The following GHR variants were observed in gnomAD, a reference collection of about 807,000 sequenced individuals.
GHR encodes growth hormone receptor, also known as GH receptor.
A neutral mutation model predicts 67.1 loss-of-function variants in GHR; 35 were observed. The observed-to-expected ratio is 0.52, with a 90% CI of 0.40 to 0.69. The LOEUF (loss-of-function observed/expected upper bound fraction) is 0.69, where lower values mean the gene tolerates loss of function less well. Among genes scored for constraint, GHR ranks in the 30% least tolerant of loss-of-function variants. The probability of loss-of-function intolerance (pLI) is 0.00; values close to 1 mark genes in which losing one functional copy is unlikely to be tolerated. For synonymous variants in GHR, 272 were observed against 269.1 expected (o/e 1.01, Z -0.10); for missense variants, 792 against 764.6 (o/e 1.04, Z -0.42).
intron 2 of GHR, among the ~76,000 whole-genome samples, chr5:42,579,122 GATAGATAGATAGATAGATGATAGATAGAT>G (rs1750964427): frequency 1.6e-4 from 13 of 79,712 alleles, no homozygotes; most frequent in African/African-American, 6.3e-4. Flanking sequence ...TAGATAGATA[GATAGATAGATAGATAGATGATAGATAGAT>G]ATAGATAGAT....
At chr5:42,604,631 C>T (rs1752533160) in intron 2 of GHR, among the ~76,000 whole-genome samples, 1 of 151,838 alleles carries the variant, frequency 6.6e-6, no homozygotes, top group South Asian at 2.1e-4. Context: ...TAAAGCACCC[C>T]AGCATTATAA....
At chr5:42,681,830 G>A (rs1289965790) in intron 3 of GHR, among the ~76,000 whole-genome samples, 1 of 151,562 alleles carries the variant, frequency 6.6e-6, no homozygotes, top group Non-Finnish European at 1.5e-5. Context: ...CAGCTACTCG[G>A]GAGGCTGAGG....
In GHR at chr5:42,719,206, A is replaced by G; in HGVS notation, c.1699A>G (p.Ile567Val). The change falls in exon 10 of 10, where the codon ATC becomes GTC. Residue 567 changes from isoleucine to valine, a missense_variant. Ile to Val is a conservative substitution (Grantham distance 29, BLOSUM62 3). Transcript: ENST00000230882. ...QPSLNQEDIY[I>V]TTESLTTAAG... ...AAGCTTAAACCAAGAGGACATTTAC[A>G]TCACCACAGAAAGCCTTACCACTGC... 1.9e-6 allele frequency: 3 copies of G among 1,614,134 alleles called. No homozygotes were observed. In the East Asian group the frequency reaches 6.7e-5, roughly 36 times the overall value.
chr5:42,440,755 T>A (rs1256793890), intron 1 of GHR, among the ~76,000 whole-genome samples: 2 of 152,182 alleles, frequency 1.3e-5, no homozygotes, highest in Non-Finnish European at 2.9e-5. Flanking sequence ...AGGGTGATGA[T>A]GCTGAAGATT....
At chr5:42,521,801 T>A (rs1747486186) in intron 1 of GHR, among the ~76,000 whole-genome samples, 1 of 152,208 alleles carries the variant, frequency 6.6e-6, no homozygotes, top group Non-Finnish European at 1.5e-5. Flanking sequence ...AATGTATTTA[T>A]CTAAGTTGTT....
At chr5:42,561,100 T>C (rs1387049886) in intron 1 of GHR, among the ~76,000 whole-genome samples, 1 of 152,242 alleles carries the variant, frequency 6.6e-6, no homozygotes, top group Non-Finnish European at 1.5e-5. Context: ...ATACTCAGAA[T>C]TCATACTCAT....
At chr5:42,594,332 T>C (rs1751952055) in intron 2 of GHR, among the ~76,000 whole-genome samples, 1 of 152,202 alleles carries the variant, frequency 6.6e-6, no homozygotes, top group African/African-American at 2.4e-5. Context: ...GATTCTTAGA[T>C]CTAAATAACT....
At chr5:42,575,923 G>T (rs1561135080) in intron 2 of GHR, among the ~76,000 whole-genome samples, 1 of 151,056 alleles carries the variant, frequency 6.6e-6, no homozygotes, top group African/African-American at 2.4e-5. Flanking sequence ...AGTCCCAGCT[G>T]CTCGGGAGGC....
chr5:42,473,956 G>A (rs1235894994), intron 1 of GHR, among the ~76,000 whole-genome samples: 1 of 149,022 alleles, frequency 6.7e-6, no homozygotes, highest in Non-Finnish European at 1.5e-5. Flanking sequence ...GGGAGGCCAA[G>A]GTGAGTGGAT....
intron 5 of GHR, 67 bp from the exon 6 acceptor site, chr5:42,699,754 TGAG>T: frequency 1.0e-6 from 1 of 972,588 alleles, no homozygotes; most frequent in Non-Finnish European, 1.7e-6. Flanking sequence ...TTTGGTCTTC[TGAG>T]AAGAATGCCT....
intron 2 of GHR, chr5:42,619,730 G>A (rs188522790): frequency 6.6e-6 from 1 of 152,250 alleles, no homozygotes; most frequent in East Asian, 1.9e-4. Context: ...GCTTGGAAAC[G>A]AGACACAGAG....
chr5:42,593,913 GA>G (rs11305064), intron 2 of GHR, among the ~76,000 whole-genome samples: 4,121 of 152,250 alleles, frequency 0.027, 145 homozygotes, highest in African/African-American at 0.081. Flanking sequence ...ACCTTAGACT[GA>G]AGGGTCATTT....
In GHR at chr5:42,424,410, GC is replaced by G; in HGVS notation, c.-12+456del. 1 of 607,778 alleles carries G rather than the reference GC, an allele frequency of 1.6e-6. No individual in the cohort carries two copies. Among genetic ancestry groups the G allele is most frequent in the Non-Finnish European group, 2.9e-6 (1 of 339,518 alleles). 37.6% of individuals were successfully genotyped at this position (607,778 alleles called of 1,614,324 possible). On this transcript the variant is annotated intron_variant, in intron 1 of 9. Transcript: ENST00000230882. The surrounding 1 kb of genome is among the most constrained non-coding windows in gnomAD (Gnocchi z 4.1). ...CCTGGCTGCGGCAGGAACTGCCGAGGCTGCTGCTGTTGCGCGGGGAAGAATC... is the reference window on the plus strand; with the variant it reads ...CCTGGCTGCGGCAGGAACTGCCGAGGTGCTGCTGTTGCGCGGGGAAGAATC...
intron 3 of GHR, among the ~76,000 whole-genome samples, chr5:42,658,362 T>C (rs530149863): frequency 4.7e-4 from 71 of 152,328 alleles, no homozygotes; most frequent in South Asian, 1.5e-3. Context: ...ATTATCTAAC[T>C]TTCCTGAAGT....
At chr5:42,524,678 T>C (rs1249672345) in intron 1 of GHR, among the ~76,000 whole-genome samples, 1 of 152,214 alleles carries the variant, frequency 6.6e-6, no homozygotes, top group African/African-American at 2.4e-5. Context: ...GAGACCTTCA[T>C]GGCAGACCTC....
At chr5:42,613,681 A>G (rs374820754) in intron 2 of GHR, among the ~76,000 whole-genome samples, 1 of 152,130 alleles carries the variant, frequency 6.6e-6, no homozygotes. Context: ...GAATGAGTGA[A>G]TGGCATACCT....
chr5:42,544,546 A>C (rs1748652382), intron 1 of GHR, among the ~76,000 whole-genome samples: 1 of 152,166 alleles, frequency 6.6e-6, no homozygotes, highest in African/African-American at 2.4e-5. Context: ...AATAAATGGA[A>C]ATAACAAACC....
chr5:42,567,764 GCT>G (rs1481920039), intron 2 of GHR, among the ~76,000 whole-genome samples: 3 of 124,398 alleles, frequency 2.4e-5, no homozygotes, highest in Admixed American at 8.7e-5. Flanking sequence ...TGCATGCTTG[GCT>G]CTGTGTGTGT....
chr5:42,473,896 GTGTC>G (rs1258045281), intron 1 of GHR, among the ~76,000 whole-genome samples: 1 of 145,966 alleles, frequency 6.9e-6, no homozygotes, highest in East Asian at 2.1e-4. Context: ...AAAAAGAAAA[GTGTC>G]TGTCTAGCCA....
Sources: gnomAD v4.1 joint callset for allele counts (sites outside exome capture counted in the v4.1 genomes callset) on GRCh38, gnomAD v4.1.1 for gene constraint, Gnocchi (gnomAD v3.1) non-coding constraint, MANE v1.5 for transcripts, NCBI Gene and HGNC (gene_info 2026-07-23, HGNC 2026-07-21) for gene names.